The following SLC41A3 variants were observed in gnomAD, a reference collection of about 807,000 sequenced individuals.
The protein encoded by SLC41A3 is SLC41A1-like 2.
SLC41A3 carries 44 observed loss-of-function variants against 45.4 expected under a neutral mutation model. The observed-to-expected ratio is 0.97, with a 90% CI of 0.76 to 1.25. The LOEUF (loss-of-function observed/expected upper bound fraction) is 1.25. Among genes scored for constraint, SLC41A3 ranks in the 50% most tolerant of loss-of-function variants. The pLI, the probability that SLC41A3 is intolerant of heterozygous loss-of-function variation, is 0.00. For missense variants in SLC41A3, 550 were observed against 600.6 expected, an observed-to-expected ratio of 0.92 and a Z score of 0.88; for synonymous variants, 256 against 252.4, an observed-to-expected ratio of 1.01 and a Z score of -0.13.
At chr3:126,047,353 A>AAAAC (rs917818069) in intron 3 of SLC41A3, among the ~76,000 whole-genome samples, 11 of 152,182 alleles carry the variant, frequency 7.2e-5, no homozygotes, top group African/African-American at 1.7e-4. Flanking sequence ...ACCCTGTCTC[A>AAAAC]AAACAAACAA....
chr3:126,100,099 C>T (rs1945679732), intron 1 of SLC41A3, among the ~76,000 whole-genome samples: 1 of 152,248 alleles, frequency 6.6e-6, no homozygotes, highest in South Asian at 2.1e-4. Flanking sequence ...CAAAGAGGAA[C>T]TGTTGATTTT....
intron 2 of SLC41A3, among the ~76,000 whole-genome samples, chr3:126,054,240 C>T (rs76421621): frequency 0.014 from 2,107 of 152,242 alleles, 46 homozygotes; most frequent in African/African-American, 0.046. Context: ...GAACAGTCAA[C>T]GCAAACCCAC....
chr3:126,092,131 T>C (rs1172318938), intron 1 of SLC41A3, among the ~76,000 whole-genome samples: 1 of 152,186 alleles, frequency 6.6e-6, no homozygotes, highest in Non-Finnish European at 1.5e-5. Context: ...GGCCATAAAC[T>C]GGCCCCAAAA....
At chr3:126,062,471 C>T (rs998612101) in intron 2 of SLC41A3, among the ~76,000 whole-genome samples, 1 of 152,206 alleles carries the variant, frequency 6.6e-6, no homozygotes, top group African/African-American at 2.4e-5. Context: ...GTCTCCCCTG[C>T]ATCTGCCTTT....
At chr3:126,099,575 C>T (rs1489417696) in intron 1 of SLC41A3, among the ~76,000 whole-genome samples, 1 of 152,092 alleles carries the variant, frequency 6.6e-6, no homozygotes, top group Non-Finnish European at 1.5e-5. Context: ...AGCCAGGCAC[C>T]TGTAGTCTCA....
chr3:126,065,532 A>G (rs1294712765), intron 2 of SLC41A3, among the ~76,000 whole-genome samples: 1 of 152,226 alleles, frequency 6.6e-6, no homozygotes, highest in Non-Finnish European at 1.5e-5. Context: ...TATGCAATGA[A>G]AAGAAAGCAG....
exon 1 of SLC41A3, chr3:126,101,447 T>C (rs994091996): frequency 1.9e-4 from 29 of 152,254 alleles, no homozygotes; most frequent in African/African-American, 6.7e-4. Flanking sequence ...TTCAGGAGAA[T>C]TATGGAAAGG....
chr3:126,008,633 AC>A (rs1218105876), intron 10 of SLC41A3, 98 bp downstream of exon 10: 2 of 1,508,710 alleles, frequency 1.3e-6, no homozygotes, highest in African/African-American at 2.8e-5. Context: ...ACGTCCAGCC[AC>A]CCCCACCCGC....
At chr3:126,065,336 G>A (rs1036644154) in intron 2 of SLC41A3, among the ~76,000 whole-genome samples, 3 of 152,216 alleles carry the variant, frequency 2.0e-5, no homozygotes, top group South Asian at 2.1e-4. Context: ...GGAACACAGC[G>A]ATATAAAACT....
chr3:126,075,444 T>TG (rs1466135983), intron 1 of SLC41A3, among the ~76,000 whole-genome samples: 1 of 151,692 alleles, frequency 6.6e-6, no homozygotes, highest in African/African-American at 2.4e-5. Flanking sequence ...GTGGTCTTTT[T>TG]TTTTTCTTTC....
intron 2 of SLC41A3, among the ~76,000 whole-genome samples, chr3:126,052,908 C>T (rs1943429248): frequency 6.6e-6 from 1 of 152,210 alleles, no homozygotes; most frequent in African/African-American, 2.4e-5. Flanking sequence ...CAGCAGACAC[C>T]CCACCTGCTC....
At chr3:126,050,860 GC>G (rs1306386847) in intron 3 of SLC41A3, 82 bp downstream of exon 3, 1 of 1,485,824 alleles carries the variant, frequency 6.7e-7, no homozygotes, top group Non-Finnish European at 9.0e-7. Context: ...CCAACCCACC[GC>G]CCACAAGCCA....
chr3:126,006,716 C>G lies in SLC41A3; in HGVS notation c.*300G>C, dbSNP rs1044215. ...GCATACTGGACATGCCTCTTCTTTA[C>G]CTTCTCAGGCCAGAACACCCTCCTC... On this transcript the variant is annotated 3_prime_UTR_variant, in exon 11 of 11. Coordinates refer to ENST00000360370, the MANE Select transcript of SLC41A3 (RefSeq NM_017836.4). 312,225 of 1,450,758 alleles carry G rather than the reference C, an allele frequency of 0.22. 35,052 individuals carry two copies. Among genetic ancestry groups the G allele is most frequent in the African/African-American group, 0.38 (26,371 of 69,812 alleles). 89.9% of individuals were successfully genotyped at this position (1,450,758 alleles called of 1,614,324 possible).
At chr3:126,059,614 A>G (rs1943949618) in intron 2 of SLC41A3, among the ~76,000 whole-genome samples, 1 of 152,190 alleles carries the variant, frequency 6.6e-6, no homozygotes, top group South Asian at 2.1e-4. Flanking sequence ...GTTAGTGTCA[A>G]AGGCAGGCCG....
At chr3:126,078,018 A>G (rs1944961636) in intron 1 of SLC41A3, among the ~76,000 whole-genome samples, 1 of 152,062 alleles carries the variant, frequency 6.6e-6, no homozygotes. Context: ...ATAAACAGAG[A>G]TGGGAACTGC....
intron 4 of SLC41A3, among the ~76,000 whole-genome samples, chr3:126,030,153 GTTA>G (rs989828364): frequency 2.9e-4 from 38 of 131,156 alleles, no homozygotes; most frequent in Non-Finnish European, 4.3e-4. Context: ...TATTATATAT[GTTA>G]TTATATTTTA....
rs1056299465 is a variant in SLC41A3, at chr3:126,006,825, G to A, written c.*191C>T. ...CACTCAAGCCATGCTCTTGATTTCA[G>A]GGCTCTATTGCAGGCTCAGGTATCA... On this transcript the variant is annotated 3_prime_UTR_variant, in exon 11 of 11. Transcript: ENST00000360370. 9 of 1,450,166 alleles carry A rather than the reference G, an allele frequency of 6.2e-6. No homozygotes were observed. The highest frequency in any genetic ancestry group is 7.2e-6 in the Non-Finnish European group (8 of 1,108,008). 89.8% of individuals were successfully genotyped at this position (1,450,166 alleles called of 1,614,324 possible). A position where few individuals can be genotyped will look rare whatever the true frequency, so the allele number is the denominator to read the frequency against.
Position 126,050,660 on chromosome 3 carries a change from G to A in SLC41A3, c.381+283C>T, listed in dbSNP as rs551577365. On this transcript the variant is annotated intron_variant, in intron 3 of 10. Coordinates refer to ENST00000360370, the MANE Select transcript of SLC41A3 (RefSeq NM_017836.4). The stretch of plus-strand genomic sequence containing the variant: ...TCCAGGTGGATGCGGGTGGCAGGGC[G>A]GTGTGCAGACTCGGGGCACAAGGCA... Among the ~76,000 whole-genome samples, 15 of 152,250 alleles carry A rather than the reference G, an allele frequency of 9.9e-5. No individual in the cohort carries two copies. The East Asian group carries it at 1.9e-3, about 20-fold the overall frequency.
chr3:126,059,676 T>C (rs950100890), intron 2 of SLC41A3, among the ~76,000 whole-genome samples: 1 of 152,128 alleles, frequency 6.6e-6, no homozygotes, highest in Non-Finnish European at 1.5e-5. Context: ...CCGTCATCCA[T>C]GGTTAGGATC....
Sources: allele counts gnomAD v4.1 joint callset (sites outside exome capture counted in the v4.1 genomes callset), GRCh38; gene constraint gnomAD v4.1.1; transcripts MANE v1.5; gene names NCBI Gene and HGNC (gene_info 2026-07-23, HGNC 2026-07-21).